WWOX: variants seen among roughly 807,000 people sequenced by gnomAD.
The protein encoded by WWOX is WW domain containing oxidoreductase.
A neutral mutation model predicts 46.2 loss-of-function variants in WWOX; 69 were observed. The observed-to-expected ratio is 1.49, with a 90% confidence interval of 1.23 to 1.82. The LOEUF (loss-of-function observed/expected upper bound fraction) is 1.82. Ranked by LOEUF, WWOX falls within the 40% of genes most tolerant of loss-of-function variation. WWOX has a pLI of 0.00. For synonymous variants in WWOX, 359 were observed against 202.6 expected (o/e 1.77, Z -6.56); for missense variants, 919 against 542.6 (o/e 1.69, Z -6.89).
At chr16:78,893,373 C>G (rs1368916498) in intron 8 of WWOX, among the ~76,000 whole-genome samples, 1 of 152,146 alleles carries the variant, frequency 6.6e-6, no homozygotes, top group Non-Finnish European at 1.5e-5. Flanking sequence ...GGCTGTCATA[C>G]CAGGCTCCCC....
chr16:79,031,893 C>CAGATATCTATATATAT (rs1435294495), intron 8 of WWOX, among the ~76,000 whole-genome samples: 2 of 66,046 alleles, frequency 3.0e-5, no homozygotes, highest in Non-Finnish European at 3.9e-5. Flanking sequence ...TATCTGTATA[C>CAGATATCTATATATAT]AGATATCTAT....
chr16:79,089,451 C>A (rs958851181), intron 8 of WWOX, among the ~76,000 whole-genome samples: 1 of 151,804 alleles, frequency 6.6e-6, no homozygotes, highest in Non-Finnish European at 1.5e-5. Context: ...TCTGCCTCAG[C>A]CTCCCGAGTA....
chr16:78,315,785 G>T (rs1402373221), intron 5 of WWOX, among the ~76,000 whole-genome samples: 1 of 152,062 alleles, frequency 6.6e-6, no homozygotes, highest in African/African-American at 2.4e-5. Flanking sequence ...GCCATTTTCA[G>T]ATGGGTAACT....
At chr16:79,035,206 G>C (rs2047842125) in intron 8 of WWOX, among the ~76,000 whole-genome samples, 1 of 152,274 alleles carries the variant, frequency 6.6e-6, no homozygotes, top group East Asian at 1.9e-4. Flanking sequence ...ACACTAGCTA[G>C]TGGCCCACAA....
chr16:78,603,476 C>G (rs186236951), intron 8 of WWOX, among the ~76,000 whole-genome samples: 3 of 152,330 alleles, frequency 2.0e-5, no homozygotes, highest in South Asian at 4.1e-4. Flanking sequence ...GGACGGATTA[C>G]TTGAGGCCAG....
intron 5 of WWOX, among the ~76,000 whole-genome samples, chr16:78,297,684 G>A (rs924089103): frequency 2.6e-5 from 4 of 152,124 alleles, no homozygotes; most frequent in South Asian, 2.1e-4. Context: ...CTGATGCAGT[G>A]TAGCATTATT....
intron 8 of WWOX, among the ~76,000 whole-genome samples, chr16:78,545,545 T>G (rs2044008589): frequency 6.6e-6 from 1 of 152,204 alleles, no homozygotes. Context: ...AAGTTCAATG[T>G]TTTATTTCCT....
intron 8 of WWOX, among the ~76,000 whole-genome samples, chr16:78,812,724 C>T (rs542897459): frequency 1.3e-5 from 2 of 148,648 alleles, no homozygotes; most frequent in African/African-American, 5.2e-5. Context: ...AGACTCCATC[C>T]TCCCACCCCC....
chr16:78,977,400 T>G (rs2151329622), intron 8 of WWOX, among the ~76,000 whole-genome samples: 1 of 152,212 alleles, frequency 6.6e-6, no homozygotes, highest in South Asian at 2.1e-4. Context: ...GTTTGTGGGG[T>G]GGCACTCTTT....
intron 8 of WWOX, among the ~76,000 whole-genome samples, chr16:79,121,591 G>C (rs968885715): frequency 6.6e-6 from 1 of 152,156 alleles, no homozygotes; most frequent in African/African-American, 2.4e-5. Context: ...GACCGTGCTG[G>C]TGAGAGGTGG....
intron 8 of WWOX, among the ~76,000 whole-genome samples, chr16:78,815,333 A>C (rs2051301447): frequency 6.6e-6 from 1 of 152,128 alleles, no homozygotes. Flanking sequence ...TCGAGAAAAA[A>C]AAAAAAAAAG....
At chr16:78,894,157 G>A (rs1243704316) in intron 8 of WWOX, among the ~76,000 whole-genome samples, 1 of 151,834 alleles carries the variant, frequency 6.6e-6, no homozygotes, top group Non-Finnish European at 1.5e-5. Context: ...TCCCACCTCA[G>A]CCTCCTGAAT....
intron 5 of WWOX, among the ~76,000 whole-genome samples, chr16:78,271,867 G>A (rs1597430206): frequency 6.6e-6 from 1 of 152,256 alleles, no homozygotes; most frequent in Admixed American, 6.5e-5. Flanking sequence ...AAAGAGCATG[G>A]TGAATTTAAT....
intron 5 of WWOX, among the ~76,000 whole-genome samples, chr16:78,265,453 G>C (rs995690563): frequency 6.6e-6 from 1 of 152,064 alleles, no homozygotes; most frequent in Non-Finnish European, 1.5e-5. Context: ...GGCTGAGGCA[G>C]GTGGATCATG....
rs115459157 is a variant in WWOX, at chr16:78,807,494, C to T, written c.1056+374742C>T. Among the ~76,000 whole-genome samples, 230 of 152,270 alleles carry T rather than the reference C, an allele frequency of 1.5e-3. 1 individual carries two copies. Among genetic ancestry groups the T allele is most frequent in the African/African-American group, 4.8e-3 (200 of 41,538 alleles). On this transcript the variant is annotated intron_variant, in intron 8 of 8. Coordinates refer to ENST00000566780, the MANE Select transcript of WWOX (RefSeq NM_016373.4). ...AATGACAGCTATAACATCAAGGGCC[C>T]GGGTTTATTTTAAATGTTTTTGCTT...
chr16:78,178,681 C>T (rs958270753), intron 5 of WWOX, among the ~76,000 whole-genome samples: 22 of 152,144 alleles, frequency 1.4e-4, no homozygotes, highest in African/African-American at 5.1e-4. Context: ...GCCTGGCAAA[C>T]ATGGTGAAAC....
intron 8 of WWOX, among the ~76,000 whole-genome samples, chr16:78,441,936 CA>C (rs1450945556): frequency 6.7e-6 from 1 of 149,238 alleles, no homozygotes; most frequent in Non-Finnish European, 1.5e-5. Context: ...GTATGAGTGA[CA>C]AAAATTTCAT....
chr16:78,103,321 A>G (rs934578515), intron 1 of WWOX, among the ~76,000 whole-genome samples: 8 of 150,490 alleles, frequency 5.3e-5, no homozygotes, highest in African/African-American at 2.0e-4. Flanking sequence ...GGTTTGTTAC[A>G]TAAGTAAACC....
intron 8 of WWOX, among the ~76,000 whole-genome samples, chr16:78,609,954 C>T (rs1351530085): frequency 2.0e-5 from 3 of 151,700 alleles, no homozygotes; most frequent in African/African-American, 4.8e-5. Flanking sequence ...TAAACAGGCT[C>T]AGAGCCCCCA....
Sources: gnomAD v4.1 joint callset for allele counts (sites outside exome capture counted in the v4.1 genomes callset) on GRCh38, gnomAD v4.1.1 for gene constraint, MANE v1.5 for transcripts, NCBI Gene and HGNC (gene_info 2026-07-23, HGNC 2026-07-21) for gene names.